MYO5A: variants seen among roughly 807,000 people sequenced by gnomAD.
MYO5A encodes the protein myosin VA, also known as unconventional myosin-Va.
In MYO5A, 98 loss-of-function variants were observed where a neutral mutation model predicts 249.7. That is an observed-to-expected ratio of 0.39 (90% CI 0.33 to 0.46). The LOEUF (loss-of-function observed/expected upper bound fraction) is 0.46. Ranked by LOEUF, MYO5A falls within the 20% of genes least tolerant of loss-of-function variation. MYO5A has a pLI of 0.98. For synonymous variants in MYO5A, 778 were observed against 810.6 expected, an observed-to-expected ratio of 0.96 and a Z score of 0.68; for missense variants, 1,696 against 2,308.8, an observed-to-expected ratio of 0.73 and a Z score of 5.44.
intron 21 of MYO5A, among the ~76,000 whole-genome samples, chr15:52,371,129 A>C (rs553513699): frequency 1.5e-4 from 22 of 151,428 alleles, no homozygotes; most frequent in Middle Eastern, 3.4e-3. Flanking sequence ...AAAAACAAAA[A>C]AAAAAAACCC....
intron 1 of MYO5A, among the ~76,000 whole-genome samples, chr15:52,470,887 G>C (rs947338770): frequency 6.6e-6 from 1 of 151,950 alleles, no homozygotes; most frequent in Non-Finnish European, 1.5e-5. Context: ...GCCGGGCATG[G>C]TGACAGGCGC....
intron 40 of MYO5A, 39 bp from the exon 41 acceptor site, chr15:52,314,242 T>A (rs2078565834): frequency 7.2e-7 from 1 of 1,396,688 alleles, no homozygotes; most frequent in East Asian, 2.3e-5. Flanking sequence ...TGGCATATTA[T>A]CAAATACACA....
chr15:52,339,631 G>A (rs1367991963), intron 32 of MYO5A, among the ~76,000 whole-genome samples: 1 of 152,178 alleles, frequency 6.6e-6, no homozygotes. Flanking sequence ...TGTTATACAA[G>A]TTCTGTTTAA....
intron 1 of MYO5A, among the ~76,000 whole-genome samples, chr15:52,488,743 G>A (rs921415541): frequency 2.6e-5 from 4 of 151,102 alleles, no homozygotes; most frequent in African/African-American, 7.3e-5. Context: ...TTGAAGCTGC[G>A]GGCTTGGGGG....
At chr15:52,521,919 A>G (rs1566881139) in intron 1 of MYO5A, among the ~76,000 whole-genome samples, 2 of 152,268 alleles carry the variant, frequency 1.3e-5, no homozygotes, top group Non-Finnish European at 1.5e-5. Flanking sequence ...TTCAGAAGGC[A>G]TCAAAGGCAG....
At chr15:52,402,096 G>A (rs2141204382) in intron 9 of MYO5A, among the ~76,000 whole-genome samples, 1 of 152,312 alleles carries the variant, frequency 6.6e-6, no homozygotes, top group East Asian at 1.9e-4. Context: ...GACTGAAGGT[G>A]GGTCCTCCAA....
chr15:52,494,216 C>T (rs982779675), intron 1 of MYO5A, among the ~76,000 whole-genome samples: 2 of 152,194 alleles, frequency 1.3e-5, no homozygotes, highest in Non-Finnish European at 2.9e-5. Context: ...ATCATCAAAA[C>T]ATTCCCTATT....
intron 1 of MYO5A, among the ~76,000 whole-genome samples, chr15:52,499,620 A>G (rs1194597352): frequency 3.9e-5 from 6 of 152,226 alleles, no homozygotes; most frequent in African/African-American, 1.4e-4. Context: ...TTCACATGGC[A>G]TAATGTCATC....
At chr15:52,504,076 CT>C (rs1479231653) in intron 1 of MYO5A, among the ~76,000 whole-genome samples, 44 of 107,262 alleles carry the variant, frequency 4.1e-4, no homozygotes, top group Admixed American at 1.4e-3. Flanking sequence ...TTTTTTTTGC[CT>C]TTTTAAATAT....
chr15:52,417,729 T>C (rs1400497190), intron 4 of MYO5A, among the ~76,000 whole-genome samples: 1 of 152,166 alleles, frequency 6.6e-6, no homozygotes, highest in Non-Finnish European at 1.5e-5. Context: ...AGGATGAGTT[T>C]AAGCTGATTT....
chr15:52,428,486 G>A lies in MYO5A; in HGVS notation c.222C>T (p.Leu74=), dbSNP rs2075446455. The change falls in exon 3 of 42, where the codon CTC becomes CTT. Residue 74 remains leucine (L), a synonymous_variant. Transcript: ENST00000399233. The part of the protein sequence containing the change: ...NPDILVGEND[L]TALSYLHEPA... ...GCTCATGAAGATAGCTGAGGGCTGT[G>A]AGGTCATTTTCACCAACAAGTATGT... is the stretch of plus-strand genomic sequence containing the variant. 3 of 1,614,052 alleles carry A rather than the reference G, an allele frequency of 1.9e-6. No individual in the cohort carries two copies. Among genetic ancestry groups the A allele is most frequent in the African/African-American group, 1.3e-5 (1 of 74,948 alleles).
At chr15:52,326,957 A>T (rs2038639722) in intron 36 of MYO5A, among the ~76,000 whole-genome samples, 2 of 152,206 alleles carry the variant, frequency 1.3e-5, no homozygotes, top group Admixed American at 1.3e-4. Context: ...TGACTCAGTG[A>T]CTACTGAGTT....
intron 1 of MYO5A, among the ~76,000 whole-genome samples, chr15:52,452,529 G>A (rs561192546): frequency 1.1e-4 from 17 of 152,232 alleles, no homozygotes; most frequent in South Asian, 4.2e-4. Flanking sequence ...TGGAAACTCC[G>A]CTCTTAAACT....
chr15:52,325,928 T>G (rs1308821653), intron 36 of MYO5A, among the ~76,000 whole-genome samples: 3 of 152,218 alleles, frequency 2.0e-5, no homozygotes, highest in Non-Finnish European at 4.4e-5. Context: ...TGATCAAAAT[T>G]AATAAATCCA....
At chr15:52,455,840 T>C (rs557436215) in intron 1 of MYO5A, among the ~76,000 whole-genome samples, 102 of 151,592 alleles carry the variant, frequency 6.7e-4, no homozygotes, top group Admixed American at 1.8e-3. Flanking sequence ...AGGCCACATA[T>C]GAGAAACCCA....
chr15:52,450,843 G>GTTTTTTGTTTTT (rs769982056), intron 1 of MYO5A, among the ~76,000 whole-genome samples: 3 of 84,582 alleles, frequency 3.5e-5, no homozygotes, highest in East Asian at 6.4e-4. Context: ...CACTACTGTG[G>GTTTTTTGTTTTT]TTTTTTTTTT....
rs753893574 is a variant in MYO5A at position 52,413,625 on chromosome 15, G to A, written c.612+2520C>T. Among the ~76,000 whole-genome samples the A allele has an allele frequency of 3.3e-5, 5 of 152,042 alleles. No homozygotes were observed. The East Asian group carries it at 5.8e-4, about 18-fold the overall frequency. ...TGATATAGGGACATAGTATTGAAGCGATTTAAAGCTACAAATTTTTCAGAC... is the reference window on the plus strand; with the variant it reads ...TGATATAGGGACATAGTATTGAAGCAATTTAAAGCTACAAATTTTTCAGAC... On this transcript the variant is annotated intron_variant, in intron 5 of 41. Coordinates refer to ENST00000399233, the MANE Select transcript of MYO5A (RefSeq NM_001382347.1).
intron 20 of MYO5A, among the ~76,000 whole-genome samples, chr15:52,373,243 AAG>A (rs1278656169): frequency 6.6e-6 from 1 of 152,230 alleles, no homozygotes; most frequent in Non-Finnish European, 1.5e-5. Flanking sequence ...GTTGTCGCTA[AAG>A]AGCACCAAAA....
intron 1 of MYO5A, among the ~76,000 whole-genome samples, chr15:52,523,793 T>C (rs1030819976): frequency 1.3e-5 from 2 of 152,122 alleles, no homozygotes; most frequent in Non-Finnish European, 2.9e-5. Flanking sequence ...GAAATTCAAA[T>C]GGAAAGGGCA....
Sources: allele counts gnomAD v4.1 joint callset (sites outside exome capture counted in the v4.1 genomes callset), GRCh38; gene constraint gnomAD v4.1.1; transcripts MANE v1.5; gene names NCBI Gene and HGNC (gene_info 2026-07-23, HGNC 2026-07-21).